The following CDH4 variants were observed in gnomAD, a reference collection of about 807,000 sequenced individuals.
CDH4 encodes the protein cadherin 4, also known as cadherin-4.
Under a neutral mutation model 86.0 loss-of-function variants are expected in CDH4, and 33 were observed. The ratio of observed to expected loss-of-function variants is 0.38; its 90% confidence interval spans 0.29 to 0.51. The LOEUF is 0.51. Among genes scored for constraint, CDH4 ranks in the 20% least tolerant of loss-of-function variants. The pLI, the probability that CDH4 is intolerant of heterozygous loss-of-function variation, is 0.86. For missense variants in CDH4, 1,114 were observed against 1,307.4 expected (o/e 0.85, Z 2.28); for synonymous variants, 555 against 549.4 (o/e 1.01, Z -0.14).
chr20:61,558,317 CTCA>C (rs1272367370), intron 2 of CDH4, among the ~76,000 whole-genome samples: 1 of 152,136 alleles, frequency 6.6e-6, no homozygotes, highest in African/African-American at 2.4e-5. Flanking sequence ...TTTCAAAATC[CTCA>C]TGTTAGTGGC....
At chr20:61,837,033 C>G (rs78865419) in intron 4 of CDH4, among the ~76,000 whole-genome samples, 11,858 of 152,196 alleles carry the variant, frequency 0.078, 925 homozygotes, top group African/African-American at 0.2. Flanking sequence ...ATCTCTACAA[C>G]AAATTTAAAA....
At chr20:61,263,164 G>A (rs1418483783) in intron 2 of CDH4, among the ~76,000 whole-genome samples, 1 of 152,050 alleles carries the variant, frequency 6.6e-6, no homozygotes, top group Non-Finnish European at 1.5e-5. Flanking sequence ...GCATTTGCAG[G>A]CTCCTTCAGT....
In CDH4 at chr20:61,652,942, T is replaced by TTATTTTTTTTTTTTTA. The variant is rs1568735039; in HGVS notation, c.170-90620_170-90619insATTTTTTTTTTTTTAT. 3.7e-5 allele frequency among the ~76,000 whole-genome samples: 4 copies of TTATTTTTTTTTTTTTA among 109,470 alleles called. 1 individual carries two copies. The highest frequency in any genetic ancestry group is 8.3e-5 in the Non-Finnish European group (4 of 48,394). The allele number at this position is 109,470 out of a possible 152,430, so 71.8% of individuals were successfully genotyped here. On this transcript the variant is annotated intron_variant, in intron 2 of 15. Transcript: ENST00000614565. ...AATTTATTTATTTATTTATTTATTTTTTTTTTTTTTTTTATTGATCATTCT... is the reference window on the plus strand; with the variant it reads ...AATTTATTTATTTATTTATTTATTTTTATTTTTTTTTTTTTATTTTTTTTTTTTTATTGATCATTCT...
chr20:61,483,288 C>G (rs1600705863), intron 2 of CDH4, among the ~76,000 whole-genome samples: 1 of 152,048 alleles, frequency 6.6e-6, no homozygotes, highest in Admixed American at 6.5e-5. Flanking sequence ...ATAACTCTCC[C>G]CCTTCAACGT....
At chr20:61,323,448 G>A (rs942710203) in intron 2 of CDH4, among the ~76,000 whole-genome samples, 1 of 152,206 alleles carries the variant, frequency 6.6e-6, no homozygotes, top group African/African-American at 2.4e-5. Flanking sequence ...TCAGTTGGCT[G>A]AATCCATGCA....
At position 61,350,067 on chromosome 20, in the gene CDH4, T is replaced by C. The variant is rs148512108; in HGVS notation, c.169+95130T>C. On this transcript the variant is annotated intron_variant, in intron 2 of 15. Coordinates refer to ENST00000614565, the MANE Select transcript of CDH4 (RefSeq NM_001794.5). Reference sequence around the variant, plus strand: ...CTCCAGTGCCACAAGGCCAGCGGAATACCTCTGACCTTGCCTCTCCCACCC... The same window carrying C: ...CTCCAGTGCCACAAGGCCAGCGGAACACCTCTGACCTTGCCTCTCCCACCC... Among the ~76,000 whole-genome samples, 918 of 146,852 alleles carry C rather than the reference T, an allele frequency of 6.3e-3. 5 individuals are homozygous for C. The highest frequency in any genetic ancestry group is 0.02 in the African/African-American group (788 of 39,438).
rs903545001 is a variant in CDH4, at chr20:61,368,022, C to G, written c.169+113085C>G. On this transcript the variant is annotated intron_variant, in intron 2 of 15. Coordinates refer to ENST00000614565, the MANE Select transcript of CDH4 (RefSeq NM_001794.5). ...AGTAGCTGGGATTACAGGTGCCCAC[C>G]ACCACACCAGGCTAACTTTTGTATT... is the stretch of plus-strand genomic sequence containing the variant. 3.9e-5 allele frequency among the ~76,000 whole-genome samples: 6 copies of G among 152,100 alleles called. No homozygotes were observed. In the South Asian group the frequency reaches 8.3e-4, roughly 21 times the overall value.
At chr20:61,869,073 TCTGAGA>T (rs1983682196) in intron 6 of CDH4, among the ~76,000 whole-genome samples, 1 of 152,262 alleles carries the variant, frequency 6.6e-6, no homozygotes, top group Non-Finnish European at 1.5e-5. Context: ...TGGCCTTTAT[TCTGAGA>T]CTAAGTCTTT....
chr20:61,496,244 A>AG (rs1026771861), intron 2 of CDH4, among the ~76,000 whole-genome samples: 2 of 152,012 alleles, frequency 1.3e-5, no homozygotes, highest in African/African-American at 4.8e-5. Context: ...TACAAAAAAA[A>AG]ATTAAAAATT....
At chr20:61,444,132 CTG>C (rs948408710) in intron 2 of CDH4, among the ~76,000 whole-genome samples, 10 of 148,908 alleles carry the variant, frequency 6.7e-5, no homozygotes, top group South Asian at 2.2e-4. Context: ...ATATGTGTCT[CTG>C]TATGTCTGTG....
At chr20:61,508,143 A>G (rs1385075848) in intron 2 of CDH4, among the ~76,000 whole-genome samples, 1 of 152,224 alleles carries the variant, frequency 6.6e-6, no homozygotes, top group African/African-American at 2.4e-5. Context: ...GTGTTTGGTC[A>G]ATCAGTCAGT....
chr20:61,507,433 C>T (rs533872665), intron 2 of CDH4, among the ~76,000 whole-genome samples: 44 of 152,262 alleles, frequency 2.9e-4, no homozygotes, highest in African/African-American at 1.0e-3. Flanking sequence ...CACGGGAGAT[C>T]GCTGGCCAGC....
chr20:61,894,702 G>A (rs957685265), intron 7 of CDH4, among the ~76,000 whole-genome samples: 2 of 152,122 alleles, frequency 1.3e-5, no homozygotes, highest in African/African-American at 2.4e-5. Context: ...GCACCTTAAC[G>A]CATGGCAAGG....
chr20:61,477,866 T>C (rs2085547670), intron 2 of CDH4, among the ~76,000 whole-genome samples: 1 of 152,222 alleles, frequency 6.6e-6, no homozygotes, highest in African/African-American at 2.4e-5. Flanking sequence ...GGTAGTGTTC[T>C]CAAGCAGAAC....
intron 2 of CDH4, among the ~76,000 whole-genome samples, chr20:61,553,594 C>T (rs2086151910): frequency 6.6e-6 from 1 of 152,216 alleles, no homozygotes; most frequent in Admixed American, 6.5e-5. Flanking sequence ...ATAGGGAATG[C>T]CTGCACCCTG....
chr20:61,489,599 G>A (rs776926578), intron 2 of CDH4, among the ~76,000 whole-genome samples: 2 of 152,224 alleles, frequency 1.3e-5, no homozygotes, highest in Non-Finnish European at 2.9e-5. Flanking sequence ...GACCACAGTC[G>A]AGGATGAGTT....
chr20:61,461,919 T>C (rs1016175562), intron 2 of CDH4, among the ~76,000 whole-genome samples: 1 of 152,106 alleles, frequency 6.6e-6, no homozygotes, highest in African/African-American at 2.4e-5. Context: ...AGTGGCAAAG[T>C]CCATGAAACA....
rs1282123282 is a variant in CDH4, at chr20:61,754,821, GCCACACA to G, written c.396+11041_396+11047del. Reference sequence around the variant, plus strand: ...CACACACACCACACACACGATGCATGCCACACACCACACACATGCCCCACACACACCA... The same window carrying G: ...CACACACACCACACACACGATGCATGCCACACACATGCCCCACACACACCA... On this transcript the variant is annotated intron_variant, in intron 3 of 15. Coordinates refer to ENST00000614565, the MANE Select transcript of CDH4 (RefSeq NM_001794.5). This position sits in a 1 kb window ranked among gnomAD's most constrained non-coding sequence, Gnocchi z 4.7. 2.3e-5 allele frequency among the ~76,000 whole-genome samples: 3 copies of G among 130,210 alleles called. No homozygotes were observed. The highest frequency in any genetic ancestry group is 4.9e-5 in the Non-Finnish European group (3 of 61,332). The allele number at this position is 130,210 out of a possible 152,430, so 85.4% of individuals were successfully genotyped here. A position where few individuals can be genotyped will look rare whatever the true frequency, so the allele number is the denominator to read the frequency against.
intron 2 of CDH4, among the ~76,000 whole-genome samples, chr20:61,607,673 A>C (rs772039110): frequency 5.3e-5 from 8 of 152,218 alleles, no homozygotes; most frequent in Non-Finnish European, 1.0e-4. Flanking sequence ...CCAGGGCCAA[A>C]GACCCACAAC....
Sources: gnomAD v4.1 joint callset for allele counts (sites outside exome capture counted in the v4.1 genomes callset) on GRCh38, gnomAD v4.1.1 for gene constraint, Gnocchi (gnomAD v3.1) non-coding constraint, MANE v1.5 for transcripts, NCBI Gene and HGNC (gene_info 2026-07-23, HGNC 2026-07-21) for gene names.